Variants in GRM8 observed in about 807,000 individuals in gnomAD.
GRM8 encodes the protein glutamate metabotropic receptor 8, also known as metabotropic glutamate receptor 8.
Under a neutral mutation model 87.2 loss-of-function variants are expected in GRM8, and 47 were observed. The ratio of observed to expected loss-of-function variants is 0.54; its 90% CI spans 0.43 to 0.69. GRM8 has a LOEUF of 0.69. Ranked by LOEUF, GRM8 falls within the 30% of genes least tolerant of loss-of-function variation. The pLI is 0.00. For missense variants in GRM8, 1,019 were observed against 1,139.2 expected (o/e 0.89, Z 1.52); for synonymous variants, 396 against 404.5 (o/e 0.98, Z 0.25).
At chr7:126,884,831 G>A (rs1419276180) in intron 6 of GRM8, among the ~76,000 whole-genome samples, 1 of 152,110 alleles carries the variant, frequency 6.6e-6, no homozygotes, top group East Asian at 1.9e-4. Context: ...ACAAATAAAT[G>A]TACAACTGTA....
rs545467760 is a variant in GRM8 at position 126,494,338 on chromosome 7, T to C, written c.2430+38614A>G. On this transcript the variant is annotated intron_variant, in intron 9 of 10. Transcript: ENST00000339582. ...TTACTATTATGTAAACAAAACATCA[T>C]TTCAAACAATCTTAGAGAATGTCTG... is the stretch of plus-strand genomic sequence containing the variant. 2.0e-5 allele frequency among the ~76,000 whole-genome samples: 3 copies of C among 152,154 alleles called. No homozygotes were observed. The East Asian group carries it at 5.8e-4, about 30-fold the overall frequency.
chr7:126,861,198 T>A (rs1420017537), intron 6 of GRM8, among the ~76,000 whole-genome samples: 1 of 152,146 alleles, frequency 6.6e-6, no homozygotes, highest in African/African-American at 2.4e-5. Flanking sequence ...CCCTCATATG[T>A]ATCTATTTAT....
At chr7:126,836,813 C>G (rs1463970344) in intron 6 of GRM8, among the ~76,000 whole-genome samples, 3 of 152,110 alleles carry the variant, frequency 2.0e-5, no homozygotes, top group Non-Finnish European at 2.9e-5. Context: ...TACTCTTTCC[C>G]TCATTAGACC....
chr7:127,141,679 TAAAAAG>T (rs962951685), intron 2 of GRM8, among the ~76,000 whole-genome samples: 6 of 152,068 alleles, frequency 3.9e-5, no homozygotes, highest in African/African-American at 1.2e-4. Flanking sequence ...AAAATAAAAA[TAAAAAG>T]AATGTAAAAG....
intron 2 of GRM8, among the ~76,000 whole-genome samples, chr7:127,205,730 G>A (rs1053706737): frequency 4.6e-5 from 7 of 152,142 alleles, no homozygotes; most frequent in Middle Eastern, 3.4e-3. Context: ...TGGTTACCTC[G>A]GCCCTATGGT....
chr7:126,662,349 A>T (rs941504952), intron 7 of GRM8, among the ~76,000 whole-genome samples: 5 of 152,216 alleles, frequency 3.3e-5, no homozygotes, highest in African/African-American at 1.2e-4. Context: ...CATCAGAGCT[A>T]GTGAAAGGAA....
At chr7:126,918,099 T>C (rs1470345331) in intron 3 of GRM8, among the ~76,000 whole-genome samples, 1 of 152,226 alleles carries the variant, frequency 6.6e-6, no homozygotes, top group East Asian at 1.9e-4. Flanking sequence ...AATGCTATCA[T>C]ATAGGGCAGC....
intron 9 of GRM8, among the ~76,000 whole-genome samples, chr7:126,476,408 G>A (rs947809756): frequency 6.6e-6 from 1 of 152,068 alleles, no homozygotes; most frequent in African/African-American, 2.4e-5. Context: ...AACAGAAAGA[G>A]CCATCTCTAA....
At chr7:127,182,122 T>C (rs1239623396) in intron 2 of GRM8, among the ~76,000 whole-genome samples, 1 of 151,928 alleles carries the variant, frequency 6.6e-6, no homozygotes, top group East Asian at 1.9e-4. Context: ...ATCCAAAATC[T>C]ACAATGAACT....
intron 2 of GRM8, among the ~76,000 whole-genome samples, chr7:127,142,131 G>A (rs1474289101): frequency 2.6e-5 from 4 of 151,778 alleles, no homozygotes; most frequent in Non-Finnish European, 5.9e-5. Context: ...GCACCACCAT[G>A]CACACCTAAT....
chr7:127,053,739 G>A (rs1221554575), intron 3 of GRM8, among the ~76,000 whole-genome samples: 1 of 121,206 alleles, frequency 8.3e-6, no homozygotes, highest in Non-Finnish European at 1.6e-5. Context: ...AGTGAGCTAA[G>A]ACCACACCAT....
At chr7:126,747,766 G>A (rs1815862926) in intron 7 of GRM8, among the ~76,000 whole-genome samples, 1 of 151,542 alleles carries the variant, frequency 6.6e-6, no homozygotes, top group African/African-American at 2.4e-5. Context: ...GTTTTGCTTT[G>A]AGTAATAAAA....
At chr7:126,493,824 C>T (rs1347099297) in intron 9 of GRM8, among the ~76,000 whole-genome samples, 3 of 152,016 alleles carry the variant, frequency 2.0e-5, no homozygotes, top group Admixed American at 6.6e-5. Flanking sequence ...ATATGGTTCC[C>T]TCTGGAAGGG....
At chr7:126,878,630 C>T (rs1799743881) in intron 6 of GRM8, among the ~76,000 whole-genome samples, 1 of 151,808 alleles carries the variant, frequency 6.6e-6, no homozygotes, top group Non-Finnish European at 1.5e-5. Flanking sequence ...AGCGATTCTC[C>T]AGCCTCAGCC....
At chr7:126,657,851 G>A (rs942371496) in intron 7 of GRM8, among the ~76,000 whole-genome samples, 3 of 152,370 alleles carry the variant, frequency 2.0e-5, no homozygotes, top group Admixed American at 1.3e-4. Context: ...GATTTAAAGC[G>A]TGCAGGAAAG....
At chr7:126,973,711 C>T (rs750322223) in intron 3 of GRM8, among the ~76,000 whole-genome samples, 18 of 152,090 alleles carry the variant, frequency 1.2e-4, no homozygotes, top group Non-Finnish European at 1.9e-4. Context: ...TCTAAGATGC[C>T]ATTGATCATA....
intron 9 of GRM8, among the ~76,000 whole-genome samples, chr7:126,521,680 G>A (rs573131146): frequency 3.7e-4 from 57 of 152,100 alleles, no homozygotes; most frequent in African/African-American, 1.3e-3. Context: ...AGTGAATTTG[G>A]TCATGACCAT....
intron 8 of GRM8, among the ~76,000 whole-genome samples, chr7:126,596,610 CAA>C (rs1223043800): frequency 6.6e-6 from 1 of 152,080 alleles, no homozygotes; most frequent in African/African-American, 2.4e-5. Context: ...ATGGATATAA[CAA>C]GACAACATAA....
chr7:126,902,414 T>C, intron 6 of GRM8, 128 bp downstream of exon 6: 1 of 770,554 alleles, frequency 1.3e-6, no homozygotes, highest in Non-Finnish European at 2.0e-6. Flanking sequence ...CCTGAGACAC[T>C]ATAACAAAAA....
Sources: allele counts gnomAD v4.1 joint callset (sites outside exome capture counted in the v4.1 genomes callset), GRCh38; gene constraint gnomAD v4.1.1; transcripts MANE v1.5; gene names NCBI Gene and HGNC (gene_info 2026-07-23, HGNC 2026-07-21).